DCC: variants seen among roughly 807,000 people sequenced by gnomAD.
DCC encodes the protein DCC netrin 1 receptor.
In DCC, 58 loss-of-function variants were observed where a neutral mutation model predicts 172.5. The ratio of observed to expected loss-of-function variants is 0.34; its 90% CI spans 0.27 to 0.42. DCC has a LOEUF of 0.42. DCC is among the 10% of genes least tolerant of loss of function. The pLI is 1.00. For missense variants in DCC, 1,740 were observed against 1,791.0 expected (o/e 0.97, Z 0.51); for synonymous variants, 709 against 644.5 (o/e 1.10, Z -1.52).
intron 1 of DCC, among the ~76,000 whole-genome samples, chr18:52,523,288 A>C (rs2031876994): frequency 6.6e-6 from 1 of 152,114 alleles, no homozygotes; most frequent in South Asian, 2.1e-4. Flanking sequence ...GCACCCTAGG[A>C]GTGGGCCAGG....
intron 15 of DCC, among the ~76,000 whole-genome samples, chr18:53,376,729 C>T (rs1263529916): frequency 2.0e-5 from 3 of 152,166 alleles, no homozygotes; most frequent in African/African-American, 7.2e-5. Context: ...TCATCTTTAG[C>T]TATGCTGCCC....
At chr18:52,710,187 T>C (rs28610254) in intron 1 of DCC, among the ~76,000 whole-genome samples, 3,381 of 152,366 alleles carry the variant, frequency 0.022, 121 homozygotes, top group African/African-American at 0.076. Context: ...AAATATCCTA[T>C]ATTGCCATCC....
intron 1 of DCC, among the ~76,000 whole-genome samples, chr18:52,679,937 A>C (rs2035715216): frequency 6.6e-6 from 1 of 152,134 alleles, no homozygotes; most frequent in African/African-American, 2.4e-5. Flanking sequence ...ACAATGCTGT[A>C]ACTAGAATAA....
intron 1 of DCC, among the ~76,000 whole-genome samples, chr18:52,703,671 C>A (rs1465094626): frequency 1.3e-4 from 19 of 151,944 alleles, no homozygotes; most frequent in Admixed American, 1.2e-3. Context: ...CACACTGCTT[C>A]CTCTATTATC....
At chr18:53,338,318 A>G (rs2057614581) in intron 14 of DCC, among the ~76,000 whole-genome samples, 1 of 152,202 alleles carries the variant, frequency 6.6e-6, no homozygotes, top group African/African-American at 2.4e-5. Context: ...AATATTTATT[A>G]ATTGGCTGGG....
At chr18:52,909,777 A>T (rs1207857390) in intron 3 of DCC, among the ~76,000 whole-genome samples, 1 of 152,174 alleles carries the variant, frequency 6.6e-6, no homozygotes, top group East Asian at 1.9e-4. Context: ...CTAGGAATGA[A>T]ATGTTGGAAT....
chr18:53,331,948 C>A (rs989565721), intron 14 of DCC, among the ~76,000 whole-genome samples: 2 of 152,126 alleles, frequency 1.3e-5, no homozygotes, highest in Non-Finnish European at 2.9e-5. Context: ...TGAGTTATAA[C>A]CAATGTGAGG....
rs149619972 is a variant in DCC, at chr18:52,915,852, TTGAG to T, written c.698-7853_698-7850del. Among the ~76,000 whole-genome samples, 314 of 152,238 alleles carry T rather than the reference TTGAG, an allele frequency of 2.1e-3. 1 individual carries two copies. The highest frequency in any genetic ancestry group is 7.1e-3 in the African/African-American group (297 of 41,550). On this transcript the variant is annotated intron_variant, in intron 3 of 28. Transcript: ENST00000442544. ...TCTATGTTGAAGGAAAATGGGCTTC[TTGAG>T]TATTTCAGAAACATGATTAATTTTA...
intron 23 of DCC, among the ~76,000 whole-genome samples, chr18:53,454,488 T>C (rs2045459477): frequency 1.3e-5 from 2 of 152,214 alleles, no homozygotes; most frequent in South Asian, 2.1e-4. Flanking sequence ...GACAAAAATA[T>C]ATGAAATTGA....
chr18:52,454,622 G>A (rs913499763), intron 1 of DCC, among the ~76,000 whole-genome samples: 20 of 152,070 alleles, frequency 1.3e-4, no homozygotes, highest in African/African-American at 3.9e-4. Flanking sequence ...CCCTCACCTT[G>A]TCGAAAATAC....
chr18:52,552,668 A>G (rs1165048806), intron 1 of DCC, among the ~76,000 whole-genome samples: 4 of 152,002 alleles, frequency 2.6e-5, no homozygotes, highest in African/African-American at 4.8e-5. Context: ...TACTAATGCA[A>G]TGAGTAATCA....
intron 15 of DCC, among the ~76,000 whole-genome samples, chr18:53,346,391 C>G (rs752899123): frequency 6.6e-6 from 1 of 152,056 alleles, no homozygotes; most frequent in Non-Finnish European, 1.5e-5. Flanking sequence ...ACCACATTCC[C>G]TCTGAGACTA....
At chr18:52,789,362 C>T (rs1434573317) in intron 2 of DCC, among the ~76,000 whole-genome samples, 1 of 151,458 alleles carries the variant, frequency 6.6e-6, no homozygotes, top group Non-Finnish European at 1.5e-5. Flanking sequence ...TTAAGAGTGG[C>T]AAGACAAAAA....
At chr18:53,168,295 C>T (rs2054955350) in intron 8 of DCC, among the ~76,000 whole-genome samples, 1 of 151,914 alleles carries the variant, frequency 6.6e-6, no homozygotes, top group Admixed American at 6.6e-5. Flanking sequence ...TTCACAATAG[C>T]AAAGACTTGG....
intron 1 of DCC, among the ~76,000 whole-genome samples, chr18:52,474,593 T>A (rs773781221): frequency 2.6e-5 from 4 of 152,198 alleles, no homozygotes; most frequent in Admixed American, 6.5e-5. Flanking sequence ...GGTTGTGACT[T>A]CATCTGTCCC....
At position 53,530,951 on chromosome 18, in the gene DCC, C is replaced by A; in HGVS notation, c.*298C>A. The A allele has an allele frequency of 2.0e-6, 1 of 492,722 alleles. No homozygotes were observed. The highest frequency in any genetic ancestry group is 2.1e-5 in the South Asian group (1 of 48,620). 30.5% of individuals were successfully genotyped at this position (492,722 alleles called of 1,614,324 possible). ...TCATGGGCCTTTGTCACTGCAGTGA[C>A]CACACTGTCATAACTAATACCTATG... On this transcript the variant is annotated 3_prime_UTR_variant, in exon 29 of 29. Transcript: ENST00000442544.
intron 21 of DCC, among the ~76,000 whole-genome samples, chr18:53,429,341 A>G (rs1314580456): frequency 6.6e-6 from 1 of 151,348 alleles, no homozygotes; most frequent in East Asian, 1.9e-4. Flanking sequence ...AAGAGCAGAA[A>G]TTAGGATAAG....
intron 15 of DCC, among the ~76,000 whole-genome samples, chr18:53,343,317 G>T (rs1179400858): frequency 6.6e-6 from 1 of 151,920 alleles, no homozygotes; most frequent in Non-Finnish European, 1.5e-5. Flanking sequence ...TAAGCCTTTT[G>T]TGAGATTAAA....
At chr18:53,421,924 A>G (rs1213095643) in intron 21 of DCC, among the ~76,000 whole-genome samples, 1 of 152,166 alleles carries the variant, frequency 6.6e-6, no homozygotes, top group African/African-American at 2.4e-5. Flanking sequence ...ATCCTATTTG[A>G]TTCTTATAGC....
Sources: gnomAD v4.1 joint callset for allele counts (sites outside exome capture counted in the v4.1 genomes callset) on GRCh38, gnomAD v4.1.1 for gene constraint, MANE v1.5 for transcripts, NCBI Gene and HGNC (gene_info 2026-07-23, HGNC 2026-07-21) for gene names.